The following LSS variants were observed in gnomAD, a reference collection of about 807,000 sequenced individuals.
LSS encodes lanosterol synthase, also known as 2,3-epoxysqualene-lanosterol cyclase.
A neutral mutation model predicts 110.3 loss-of-function variants in LSS; 90 were observed. The ratio of observed to expected loss-of-function variants is 0.82; its 90% confidence interval spans 0.69 to 0.97. LSS has a LOEUF of 0.97. LSS is among the 50% of genes least tolerant of loss of function. The pLI is 0.00. For missense variants in LSS, 927 were observed against 990.0 expected (o/e 0.94, Z 0.85); for synonymous variants, 433 against 400.0 (o/e 1.08, Z -0.98).
intron 15 of LSS, 32 bp downstream of exon 15, chr21:46,207,396 T>A (rs762673796): frequency 1.1e-5 from 18 of 1,607,828 alleles, no homozygotes; most frequent in Non-Finnish European, 1.5e-5. Context: ...GGACACGAGG[T>A]ATGGACGGGG....
At chr21:46,218,345 A>G (rs1231146167) in intron 6 of LSS, among the ~76,000 whole-genome samples, 10 of 152,202 alleles carry the variant, frequency 6.6e-5, no homozygotes, top group Admixed American at 3.9e-4. Flanking sequence ...GACACCACAT[A>G]AGGCCGGGAG....
At chr21:46,228,631 C>T in intron 1 of LSS, 32 bp from the exon 2 acceptor site, 1 of 1,592,984 alleles carries the variant, frequency 6.3e-7, no homozygotes, top group Non-Finnish European at 8.5e-7. Context: ...CGACCCAGGC[C>T]CCGCCCCAAC....
chr21:46,222,130 T>C (rs2080286787), intron 4 of LSS, 155 bp from the exon 5 acceptor site: 2 of 729,594 alleles, frequency 2.7e-6, no homozygotes, highest in Non-Finnish European at 4.5e-6. Flanking sequence ...GAGCAGCCAC[T>C]CTGCAGTACG....
chr21:46,191,581 A>G (rs938152815), intron 21 of LSS, among the ~76,000 whole-genome samples: 1 of 152,202 alleles, frequency 6.6e-6, no homozygotes, highest in South Asian at 2.1e-4. Flanking sequence ...GTGAGGGGCC[A>G]CTAGGTCATC....
intron 20 of LSS, chr21:46,193,891 A>G (rs1051018611): frequency 7.1e-6 from 3 of 424,576 alleles, no homozygotes; most frequent in Non-Finnish European, 1.4e-5. Context: ...GTCTCCATGT[A>G]CCTATGTCAG....
intron 21 of LSS, 80 bp downstream of exon 21, chr21:46,191,801 A>G: frequency 2.5e-6 from 3 of 1,217,396 alleles, no homozygotes; most frequent in Non-Finnish European, 3.6e-6. Context: ...AAAAGGACAC[A>G]GAGCAGGGGG....
chr21:46,206,525 G>A (rs909590728), intron 16 of LSS, 147 bp downstream of exon 16: 4 of 691,874 alleles, frequency 5.8e-6, no homozygotes, highest in Non-Finnish European at 1.0e-5. Context: ...AGAACAGCCT[G>A]GGCTGAGGGA....
intron 12 of LSS, among the ~76,000 whole-genome samples, chr21:46,210,042 C>G (rs1053864556): frequency 2.6e-5 from 4 of 151,690 alleles, no homozygotes; most frequent in Non-Finnish European, 4.4e-5. Context: ...TCGAGAATGC[C>G]CATAACAAAC....
chr21:46,215,117 G>C, intron 9 of LSS, 63 bp downstream of exon 9: 1 of 1,388,274 alleles, frequency 7.2e-7, no homozygotes, highest in South Asian at 1.2e-5. Context: ...CCGGCCTCTA[G>C]GACTTCACTT....
At chr21:46,223,999 G>C (rs1420143352) in intron 3 of LSS, among the ~76,000 whole-genome samples, 1 of 152,184 alleles carries the variant, frequency 6.6e-6, no homozygotes, top group Non-Finnish European at 1.5e-5. Flanking sequence ...CCTCACATTA[G>C]TCAGACCTGC....
chr21:46,212,795 G>A (rs1601435231), intron 11 of LSS, among the ~76,000 whole-genome samples: 1 of 152,184 alleles, frequency 6.6e-6, no homozygotes, highest in East Asian at 1.9e-4. Flanking sequence ...GATCATCAGG[G>A]CAAAAAGCAA....
intron 6 of LSS, among the ~76,000 whole-genome samples, chr21:46,217,073 C>T (rs960545243): frequency 3.7e-4 from 56 of 151,768 alleles, no homozygotes; most frequent in African/African-American, 1.3e-3. Context: ...ATGGCGAAAC[C>T]CCATCTCTAC....
In LSS at chr21:46,194,491, C is replaced by T. The variant is rs746743234; in HGVS notation, c.1988G>A (p.Arg663Gln). 5.0e-6 allele frequency: 8 copies of T among 1,613,418 alleles called. No homozygotes were observed. The highest frequency in any genetic ancestry group is 1.3e-5 in the African/African-American group (1 of 75,074). ...CWAMMGLMAV[R>Q]HPDIEAQERG... ...TCAGGGACGGTCCCGTCGTCCCCAC[C>T]GAACGGCCATCAGCCCCATCATGGC... Residue 663 changes from arginine (R) to glutamine (Q), a missense_variant and splice_region_variant, in exon 20 of 22, where the codon CGG (arginine) becomes CAG (glutamine). Arg to Gln is a conservative substitution (Grantham distance 43). Coordinates refer to ENST00000397728, the MANE Select transcript of LSS (RefSeq NM_002340.6).
At chr21:46,195,557 G>T in intron 19 of LSS, 119 bp downstream of exon 19, 1 of 963,422 alleles carries the variant, frequency 1.0e-6, no homozygotes, top group Non-Finnish European at 1.6e-6. Context: ...GCGAGACTCC[G>T]TCTCAAAAAC....
chr21:46,193,878 T>C (rs1437951607), intron 20 of LSS: 5 of 425,376 alleles, frequency 1.2e-5, no homozygotes, highest in South Asian at 8.2e-5. Context: ...TGTGTGTGCA[T>C]CTGTCTCCAT....
rs1050855601 is a variant in LSS, at chr21:46,222,632, G to T, written c.426C>A (p.Gly142=). Residue 142 remains glycine, a splice_region_variant and synonymous_variant, in exon 4 of 22, where the codon GGC becomes GGA. Coordinates refer to ENST00000397728, the MANE Select transcript of LSS (RefSeq NM_002340.6). Reference sequence around the variant, plus strand: ...GACACAGGGGCAGGCACACTCACAGGCCCCAGCCACCGTCAGGGAGCTGCA... The same window carrying T: ...GACACAGGGGCAGGCACACTCACAGTCCCCAGCCACCGTCAGGGAGCTGCA... ...RSVQLPDGGW[G]LHIEDKSTVF... is the part of the protein sequence containing the mutation. 4 of 1,612,586 alleles carry T rather than the reference G, an allele frequency of 2.5e-6. No homozygotes were observed. Among genetic ancestry groups the T allele is most frequent in the Non-Finnish European group, 3.4e-6 (4 of 1,179,576 alleles).
chr21:46,208,245 G>C lies in LSS; in HGVS notation c.1317+6C>G. The C allele has an allele frequency of 1.3e-6, 2 of 1,551,944 alleles. No individual in the cohort carries two copies. The highest frequency in any genetic ancestry group is 8.7e-7 in the Non-Finnish European group (1 of 1,147,136). On this transcript the variant is annotated splice_donor_region_variant and intron_variant, in intron 14 of 21. Coordinates refer to ENST00000397728, the MANE Select transcript of LSS (RefSeq NM_002340.6). Reference sequence around the variant, plus strand: ...CGGGACAGGGATGGGGCTGGCTCCCGCATACCTTGCGCATCTGGCGGTAGT... The same window carrying C: ...CGGGACAGGGATGGGGCTGGCTCCCCCATACCTTGCGCATCTGGCGGTAGT...
At position 46,195,689 on chromosome 21, in the gene LSS, T is replaced by C; in HGVS notation, c.1804A>G (p.Thr602Ala). The C allele has an allele frequency of 6.2e-7, 1 of 1,612,594 alleles. No homozygotes were observed. Among genetic ancestry groups the C allele is most frequent in the Non-Finnish European group, 8.5e-7 (1 of 1,179,596 alleles). The change falls in exon 19 of 22, where the codon ACC (threonine) becomes GCC (alanine). Residue 602 changes from threonine to alanine, a missense_variant. Physicochemically the swap from Thr to Ala is moderately conservative, Grantham distance 58. Transcript: ENST00000397728. ...GCACTCACTCACCCATCTCGGTAGGTCTGCCCCATACAGGCGAAGGCCTCC... is the reference window on the plus strand; with the variant it reads ...GCACTCACTCACCCATCTCGGTAGGCCTGCCCCATACAGGCGAAGGCCTCC... ...GLEAFACMGQTYRDGTACAEV... is the reference protein window; with the variant it reads ...GLEAFACMGQAYRDGTACAEV...
At chr21:46,219,605 G>A in intron 5 of LSS, 33 bp from the exon 6 acceptor site, 3 of 1,398,246 alleles carry the variant, frequency 2.1e-6, no homozygotes, top group Non-Finnish European at 2.9e-6. Flanking sequence ...CACGTCATCT[G>A]CTTCCTGTCA....
Sources: gnomAD v4.1 joint callset for allele counts (sites outside exome capture counted in the v4.1 genomes callset) on GRCh38, gnomAD v4.1.1 for gene constraint, MANE v1.5 for transcripts, NCBI Gene and HGNC (gene_info 2026-07-23, HGNC 2026-07-21) for gene names.